The following SLC39A11 variants were observed in gnomAD, a reference collection of about 807,000 sequenced individuals.
The protein encoded by SLC39A11 is zinc transporter ZIP11.
Under a neutral mutation model 36.1 loss-of-function variants are expected in SLC39A11, and 33 were observed. The observed-to-expected ratio is 0.91, with a 90% confidence interval of 0.69 to 1.22. The LOEUF (loss-of-function observed/expected upper bound fraction) is 1.22. Among genes scored for constraint, SLC39A11 ranks in the 50% most tolerant of loss-of-function variants. SLC39A11 has a pLI of 0.00. For synonymous variants in SLC39A11, 166 were observed against 170.3 expected, an observed-to-expected ratio of 0.97 and a Z score of 0.20; for missense variants, 432 against 430.3, an observed-to-expected ratio of 1.00 and a Z score of -0.03.
intron 6 of SLC39A11, among the ~76,000 whole-genome samples, chr17:72,831,279 C>T (rs553142993): frequency 6.6e-6 from 1 of 152,256 alleles, no homozygotes; most frequent in South Asian, 2.1e-4. Context: ...GAGAAGAGAG[C>T]TGATGAGTAC....
At chr17:72,688,938 A>G (rs1451761120) in intron 7 of SLC39A11, among the ~76,000 whole-genome samples, 2 of 152,154 alleles carry the variant, frequency 1.3e-5, no homozygotes, top group South Asian at 2.1e-4. Context: ...ACATCTGTCT[A>G]TTCACACCCC....
At chr17:73,037,190 C>A (rs534352717) in intron 3 of SLC39A11, among the ~76,000 whole-genome samples, 53 of 152,246 alleles carry the variant, frequency 3.5e-4, no homozygotes, top group African/African-American at 9.4e-4. Flanking sequence ...CTATAAACAC[C>A]CGTGTGCAGG....
chr17:73,012,602 TG>T (rs2090584848), intron 4 of SLC39A11, among the ~76,000 whole-genome samples: 1 of 151,952 alleles, frequency 6.6e-6, no homozygotes, highest in Non-Finnish European at 1.5e-5. Flanking sequence ...AAAGGTATAT[TG>T]TGTGATGCTA....
intron 7 of SLC39A11, chr17:72,664,107 C>A: frequency 6.3e-6 from 1 of 159,902 alleles, no homozygotes. Flanking sequence ...TCAACCCTGG[C>A]AATCAATGGA....
At chr17:72,810,924 C>A (rs911208494) in intron 6 of SLC39A11, among the ~76,000 whole-genome samples, 2 of 152,122 alleles carry the variant, frequency 1.3e-5, no homozygotes, top group Non-Finnish European at 2.9e-5. Flanking sequence ...CTGGTCTTGA[C>A]CTCAGGTGAT....
At chr17:72,980,337 T>C (rs2148162872) in intron 4 of SLC39A11, among the ~76,000 whole-genome samples, 1 of 152,260 alleles carries the variant, frequency 6.6e-6, no homozygotes, top group East Asian at 1.9e-4. Flanking sequence ...CAGGAATACA[T>C]TCAACCCTAA....
intron 6 of SLC39A11, among the ~76,000 whole-genome samples, chr17:72,821,311 T>C (rs1409235892): frequency 6.7e-6 from 1 of 149,820 alleles, no homozygotes; most frequent in Non-Finnish European, 1.5e-5. Context: ...GAGACCTGCT[T>C]GGCCAACATG....
chr17:72,761,857 G>C (rs2075590460), intron 6 of SLC39A11, among the ~76,000 whole-genome samples: 1 of 152,230 alleles, frequency 6.6e-6, no homozygotes, highest in Non-Finnish European at 1.5e-5. Context: ...GAGAAAGTGA[G>C]AGAAAGGCAT....
intron 7 of SLC39A11, among the ~76,000 whole-genome samples, chr17:72,699,625 T>C (rs1338036183): frequency 6.6e-6 from 1 of 152,190 alleles, no homozygotes; most frequent in Non-Finnish European, 1.5e-5. Flanking sequence ...TTTAATCCAC[T>C]CCTTGCCTTG....
chr17:72,829,932 T>C (rs2078207979), intron 6 of SLC39A11, among the ~76,000 whole-genome samples: 2 of 151,954 alleles, frequency 1.3e-5, no homozygotes, highest in African/African-American at 4.8e-5. Flanking sequence ...GAAGTTGACC[T>C]AGGGGAGGAG....
chr17:72,837,292 CCTGT>C (rs2078597397), intron 6 of SLC39A11, among the ~76,000 whole-genome samples: 1 of 150,536 alleles, frequency 6.6e-6, no homozygotes, highest in Non-Finnish European at 1.5e-5. Flanking sequence ...TTATTTTTCT[CCTGT>C]CTATTGACTT....
At chr17:72,950,957 C>T (rs2085817125) in intron 4 of SLC39A11, among the ~76,000 whole-genome samples, 1 of 152,012 alleles carries the variant, frequency 6.6e-6, no homozygotes, top group South Asian at 2.1e-4. Flanking sequence ...ATAGGACAGC[C>T]CCCACAACAG....
intron 5 of SLC39A11, among the ~76,000 whole-genome samples, chr17:72,922,957 T>C (rs2083763133): frequency 4.0e-5 from 2 of 50,044 alleles, no homozygotes; most frequent in African/African-American, 9.2e-5. Context: ...TGGGACTCCT[T>C]CTCAAAAAAA....
At chr17:72,885,747 T>TC (rs1004689518) in intron 5 of SLC39A11, among the ~76,000 whole-genome samples, 1 of 151,890 alleles carries the variant, frequency 6.6e-6, no homozygotes, top group Non-Finnish European at 1.5e-5. Flanking sequence ...TGTCCACACT[T>TC]CCCCCCTCAT....
At chr17:72,805,803 T>C (rs1598811751) in intron 6 of SLC39A11, among the ~76,000 whole-genome samples, 1 of 151,222 alleles carries the variant, frequency 6.6e-6, no homozygotes, top group Non-Finnish European at 1.5e-5. Flanking sequence ...GGCTGGAGTG[T>C]AGTGGGGCGA....
chr17:72,816,489 C>G (rs953505808), intron 6 of SLC39A11, among the ~76,000 whole-genome samples: 1 of 151,492 alleles, frequency 6.6e-6, no homozygotes, highest in Non-Finnish European at 1.5e-5. Context: ...GCTTGACGAA[C>G]ATTTGCAAGT....
At chr17:72,699,014 A>G (rs891959971) in intron 7 of SLC39A11, among the ~76,000 whole-genome samples, 1 of 152,128 alleles carries the variant, frequency 6.6e-6, no homozygotes, top group South Asian at 2.1e-4. Context: ...TATTTTTAGT[A>G]GAGACGGGGT....
chr17:72,997,570 T>C (rs1477128189), intron 4 of SLC39A11, among the ~76,000 whole-genome samples: 2 of 152,190 alleles, frequency 1.3e-5, no homozygotes, highest in Non-Finnish European at 2.9e-5. Context: ...CCCCCTCTTA[T>C]CCATGGTTTT....
intron 5 of SLC39A11, among the ~76,000 whole-genome samples, chr17:72,936,091 A>AG (rs1207624632): frequency 1.3e-5 from 2 of 152,086 alleles, no homozygotes; most frequent in African/African-American, 2.4e-5. Flanking sequence ...CCAGCTACAT[A>AG]GGAAACTGAG....
Sources: allele counts gnomAD v4.1 joint callset (sites outside exome capture counted in the v4.1 genomes callset), GRCh38; gene constraint gnomAD v4.1.1; transcripts MANE v1.5; gene names NCBI Gene and HGNC (gene_info 2026-07-23, HGNC 2026-07-21).